Variants in RAB17 observed in about 807,000 individuals in gnomAD.
RAB17 encodes RAB17, member RAS oncogene family, also known as ras-related protein Rab-17.
RAB17 carries 15 observed loss-of-function variants against 19.3 expected under a neutral mutation model. The ratio of observed to expected loss-of-function variants is 0.78; its 90% CI spans 0.52 to 1.20. The LOEUF (loss-of-function observed/expected upper bound fraction) is 1.20, where lower values mean the gene tolerates loss of function less well. Ranked by LOEUF, RAB17 falls within the 50% of genes most tolerant of loss-of-function variation. The pLI, the probability that RAB17 is intolerant of heterozygous loss-of-function variation, is 0.00. For missense variants in RAB17, 262 were observed against 269.3 expected, an observed-to-expected ratio of 0.97 and a Z score of 0.19; for synonymous variants, 110 against 112.8, an observed-to-expected ratio of 0.97 and a Z score of 0.16.
rs919635001 is a variant in RAB17 at position 237,578,215 on chromosome 2, G to T, written c.158-60C>A. 3.3e-6 allele frequency: 5 copies of T among 1,532,564 alleles called. No homozygotes were observed. The African/African-American group carries it at 6.8e-5, about 21-fold the overall frequency. The allele number at this position is 1,532,564 out of a possible 1,614,324, so 94.9% of individuals were successfully genotyped here. A position where few individuals can be genotyped will look rare whatever the true frequency, so the allele number is the denominator to read the frequency against. On this transcript the variant is annotated intron_variant, in intron 2 of 5. Coordinates refer to ENST00000264601, the MANE Select transcript of RAB17 (RefSeq NM_022449.4). ...GACGAGGTTGCCACATGCGGCTCAG[G>T]TGGGACCACGGCAAGCCGCAGGCAC...
At chr2:237,586,493 T>C (rs2081351422) in intron 1 of RAB17, among the ~76,000 whole-genome samples, 1 of 144,704 alleles carries the variant, frequency 6.9e-6, no homozygotes, top group South Asian at 2.2e-4. Context: ...TTTCAGTTTT[T>C]ACAAATCTAT....
In RAB17 at chr2:237,574,634, G is replaced by T; in HGVS notation, c.*385C>A. The T allele has an allele frequency of 6.7e-7, 1 of 1,500,904 alleles. No individual in the cohort carries two copies. Among genetic ancestry groups the T allele is most frequent in the Non-Finnish European group, 8.9e-7 (1 of 1,122,836 alleles). 93.0% of individuals were successfully genotyped at this position (1,500,904 alleles called of 1,614,324 possible). A position where few individuals can be genotyped will look rare whatever the true frequency, so the allele number is the denominator to read the frequency against. On this transcript the variant is annotated 3_prime_UTR_variant, in exon 6 of 6. Coordinates refer to ENST00000264601, the MANE Select transcript of RAB17 (RefSeq NM_022449.4). ...AGAAGCAGGTGGGCCCAGGCTCCAG[G>T]CCAGTGCCCCCATCAAGATCAGACG...
intron 2 of RAB17, among the ~76,000 whole-genome samples, chr2:237,583,590 G>A (rs2081324846): frequency 6.6e-6 from 1 of 152,188 alleles, no homozygotes; most frequent in Non-Finnish European, 1.5e-5. Context: ...GAGGCTGATG[G>A]GATGAAGGCA....
At chr2:237,578,319 G>A in intron 2 of RAB17, 164 bp from the exon 3 acceptor site, 1 of 633,938 alleles carries the variant, frequency 1.6e-6, no homozygotes, top group South Asian at 2.1e-5. Flanking sequence ...CAGTTCTTCT[G>A]GGAGATGGAG....
rs1034014722 is a variant in RAB17, at chr2:237,574,462, G to A, written c.*557C>T. On this transcript the variant is annotated 3_prime_UTR_variant, in exon 6 of 6. Transcript: ENST00000264601. ...CCACATTGCCAGCCGGGAGACCATGGAAGGGAACTGGCGCCACTGCCCCCA... is the reference window on the plus strand; with the variant it reads ...CCACATTGCCAGCCGGGAGACCATGAAAGGGAACTGGCGCCACTGCCCCCA... 2.6e-6 allele frequency: 4 copies of A among 1,550,676 alleles called. No individual in the cohort carries two copies. Among genetic ancestry groups the A allele is most frequent in the Non-Finnish European group, 2.6e-6 (3 of 1,146,942 alleles).
rs779817014 is a variant in RAB17, at chr2:237,586,107, C to A, written c.48G>T (p.Gln16His). The change falls in exon 2 of 6, where the codon CAG (glutamine) becomes CAT (histidine). Residue 16 changes from glutamine (Q) to histidine (H), a missense_variant. Coordinates refer to ENST00000264601, the MANE Select transcript of RAB17 (RefSeq NM_022449.4). ...RTPQPRAAPS[Q>H]PRVFKLVLLG... Reference sequence around the variant, plus strand: ...GGAGAACCAGCTTGAACACACGGGGCTGGCTGGGGGCAGCCCTGGGCTGGG... The same window carrying A: ...GGAGAACCAGCTTGAACACACGGGGATGGCTGGGGGCAGCCCTGGGCTGGG... 12 of 1,612,420 alleles carry A rather than the reference C, an allele frequency of 7.4e-6. No homozygotes were observed. The Admixed American group carries it at 1.7e-4, about 22-fold the overall frequency.
At chr2:237,589,110 C>T (rs1017610851) in intron 1 of RAB17, among the ~76,000 whole-genome samples, 36 of 152,034 alleles carry the variant, frequency 2.4e-4, no homozygotes, top group African/African-American at 8.7e-4. Flanking sequence ...ATCCCAGCTA[C>T]TCGGGAGGCT....
chr2:237,581,366 G>A (rs1435296783), intron 2 of RAB17, among the ~76,000 whole-genome samples: 7 of 143,754 alleles, frequency 4.9e-5, no homozygotes, highest in Non-Finnish European at 9.2e-5. Flanking sequence ...AGAATGAGAC[G>A]CCATCTTAAA....
Position 237,574,709 on chromosome 2 carries a change from C to A in RAB17, c.*310G>T. On this transcript the variant is annotated 3_prime_UTR_variant, in exon 6 of 6. Transcript: ENST00000264601. ...TGCTGCGGGGACTTTTCCAATCCTTCCTTCCTCTCTGTCCAGAGGCTGCCA... is the reference window on the plus strand; with the variant it reads ...TGCTGCGGGGACTTTTCCAATCCTTACTTCCTCTCTGTCCAGAGGCTGCCA... 7.0e-7 allele frequency: 1 copy of A among 1,422,952 alleles called. No homozygotes were observed. Among genetic ancestry groups the A allele is most frequent in the Non-Finnish European group, 9.2e-7 (1 of 1,088,050 alleles). 88.1% of individuals were successfully genotyped at this position (1,422,952 alleles called of 1,614,324 possible).
At chr2:237,589,206 C>A (rs754099843) in intron 1 of RAB17, among the ~76,000 whole-genome samples, 3 of 138,680 alleles carry the variant, frequency 2.2e-5, no homozygotes, top group South Asian at 2.3e-4. Flanking sequence ...GGTGACAGAG[C>A]GAGAATCTGT....
intron 2 of RAB17, among the ~76,000 whole-genome samples, chr2:237,583,762 G>A (rs2081326191): frequency 6.6e-6 from 1 of 152,214 alleles, no homozygotes; most frequent in African/African-American, 2.4e-5. Flanking sequence ...CCAGCCTGTA[G>A]AACGGTCCTT....
At chr2:237,577,476 T>C (rs1253222890) in intron 3 of RAB17, 94 bp from the exon 4 acceptor site, 2 of 1,412,252 alleles carry the variant, frequency 1.4e-6, no homozygotes, top group East Asian at 2.4e-5. Context: ...GATCACGTTG[T>C]GTAAAATGTC....
At chr2:237,584,488 T>C (rs1230941838) in intron 2 of RAB17, among the ~76,000 whole-genome samples, 1 of 151,964 alleles carries the variant, frequency 6.6e-6, no homozygotes, top group East Asian at 1.9e-4. Flanking sequence ...TTAGAGTGAA[T>C]AGAGGAGGAG....
In RAB17 at chr2:237,578,027, G is replaced by T. The variant is rs1307191406; in HGVS notation, c.286C>A (p.Leu96Met). Residue 96 changes from leucine to methionine, a missense_variant, in exon 3 of 6, where the codon CTG becomes ATG. Leu to Met is a conservative substitution (Grantham distance 15). Coordinates refer to ENST00000264601, the MANE Select transcript of RAB17 (RefSeq NM_022449.4). ...ACCTTCCTGGTGATGTCGTACACCA[G>T]AAGCGCAGCGTTGGCACCCCTGAAG... The part of the protein sequence containing the change: ...LYFRGANAAL[L>M]VYDITRKDSF... 1 of 1,609,886 alleles carries T rather than the reference G, an allele frequency of 6.2e-7. No homozygotes were observed. The highest frequency in any genetic ancestry group is 2.2e-5 in the East Asian group (1 of 44,740).
rs1188222036 is a variant in RAB17 at position 237,574,419 on chromosome 2, G to A, written c.*600C>T. The stretch of plus-strand genomic sequence containing the variant: ...TGTCTCAGAATCTTCCTGCTCATTG[G>A]ACAGAAACTCAGCTTCACCACATTG... On this transcript the variant is annotated 3_prime_UTR_variant, in exon 6 of 6. Coordinates refer to ENST00000264601, the MANE Select transcript of RAB17 (RefSeq NM_022449.4). 2 of 1,547,308 alleles carry A rather than the reference G, an allele frequency of 1.3e-6. No individual in the cohort carries two copies. Among genetic ancestry groups the A allele is most frequent in the Non-Finnish European group, 1.7e-6 (2 of 1,144,986 alleles).
chr2:237,583,072 G>A (rs533504909), intron 2 of RAB17, among the ~76,000 whole-genome samples: 4 of 152,176 alleles, frequency 2.6e-5, no homozygotes, highest in South Asian at 4.2e-4. Flanking sequence ...ACTGCACTCC[G>A]CCTGGGCAAC....
intron 2 of RAB17, chr2:237,578,459 C>T (rs541171552): frequency 1.3e-3 from 321 of 249,400 alleles, no homozygotes; most frequent in Non-Finnish European, 2.1e-3. Flanking sequence ...AAGGGATCTC[C>T]ACTTACTGGG....
chr2:237,584,724 G>A (rs1444240062), intron 2 of RAB17, among the ~76,000 whole-genome samples: 5 of 152,110 alleles, frequency 3.3e-5, no homozygotes, highest in Non-Finnish European at 2.9e-5. Context: ...TCAACATCCA[G>A]GCCTGGTGAG....
chr2:237,580,291 A>T (rs1274543123), intron 2 of RAB17, among the ~76,000 whole-genome samples: 1 of 152,212 alleles, frequency 6.6e-6, no homozygotes, highest in Non-Finnish European at 1.5e-5. Flanking sequence ...TTTTATCCAC[A>T]TCTTTCTGTT....
Sources: allele counts gnomAD v4.1 joint callset (sites outside exome capture counted in the v4.1 genomes callset), GRCh38; gene constraint gnomAD v4.1.1; transcripts MANE v1.5; gene names NCBI Gene and HGNC (gene_info 2026-07-23, HGNC 2026-07-21).